The following FRMD5 variants were observed in gnomAD, a reference collection of about 807,000 sequenced individuals.
FRMD5 encodes the protein FERM domain containing 5.
FRMD5 carries 20 observed loss-of-function variants against 69.0 expected under a neutral mutation model. The ratio of observed to expected loss-of-function variants is 0.29; its 90% CI spans 0.20 to 0.42. The LOEUF (loss-of-function observed/expected upper bound fraction) is 0.42, where lower values mean the gene tolerates loss of function less well. Among genes scored for constraint, FRMD5 ranks in the 10% least tolerant of loss-of-function variants. The pLI is 1.00. For synonymous variants in FRMD5, 271 were observed against 260.1 expected (o/e 1.04, Z -0.40); for missense variants, 595 against 708.6 (o/e 0.84, Z 1.82).
chr15:43,994,236 A>G (rs1470620838), intron 1 of FRMD5, among the ~76,000 whole-genome samples: 3 of 151,704 alleles, frequency 2.0e-5, no homozygotes, highest in East Asian at 3.9e-4. Flanking sequence ...TTTTTTGTGA[A>G]TCTACTATAG....
intron 1 of FRMD5, among the ~76,000 whole-genome samples, chr15:44,132,627 C>T (rs1161752988): frequency 1.3e-5 from 2 of 151,970 alleles, no homozygotes; most frequent in Non-Finnish European, 2.9e-5. Flanking sequence ...CAGGGTTTTG[C>T]TACATTTCCC....
intron 1 of FRMD5, among the ~76,000 whole-genome samples, chr15:44,009,247 C>CAT (rs371203884): frequency 6.6e-6 from 1 of 152,328 alleles, no homozygotes; most frequent in Non-Finnish European, 1.5e-5. Context: ...CACAGTAGCT[C>CAT]ATATGACTGA....
intron 1 of FRMD5, among the ~76,000 whole-genome samples, chr15:44,027,229 T>C (rs1284374045): frequency 6.6e-6 from 1 of 152,146 alleles, no homozygotes; most frequent in Non-Finnish European, 1.5e-5. Context: ...CTTTAATTAC[T>C]AATTTTCACC....
At chr15:44,132,329 T>C (rs1224009149) in intron 1 of FRMD5, among the ~76,000 whole-genome samples, 1 of 152,136 alleles carries the variant, frequency 6.6e-6, no homozygotes, top group Non-Finnish European at 1.5e-5. Context: ...GGCCCGTGGG[T>C]TGGGGGACCT....
chr15:43,883,803 C>T lies in FRMD5; in HGVS notation c.1035G>A (p.Gly345=). ...KREPPEIHRA[G]MVPSRSCPSI... ...AGGGACAGCTCCGGCTGGGAACCAT[C>T]CCTGCTCTGAGGTTAAAGAAAAAGA... Residue 345 remains glycine (G), a synonymous_variant, in exon 13 of 14, where the codon GGG becomes GGA. Transcript: ENST00000417257. The T allele has an allele frequency of 6.2e-7, 1 of 1,613,632 alleles. No individual in the cohort carries two copies. Among genetic ancestry groups the T allele is most frequent in the Non-Finnish European group, 8.5e-7 (1 of 1,179,544 alleles).
At chr15:44,153,398 A>T (rs914321443) in intron 1 of FRMD5, among the ~76,000 whole-genome samples, 2 of 152,242 alleles carry the variant, frequency 1.3e-5, no homozygotes, top group African/African-American at 4.8e-5. Flanking sequence ...AAAGGAAGGA[A>T]ACTCTGACAT....
chr15:44,109,977 AAC>A (rs1352564608), intron 1 of FRMD5, among the ~76,000 whole-genome samples: 1 of 152,184 alleles, frequency 6.6e-6, no homozygotes, highest in Non-Finnish European at 1.5e-5. Flanking sequence ...ATGGCTTGAT[AAC>A]ACAGTTCTTT....
At chr15:43,893,803 C>T (rs905725240) in intron 7 of FRMD5, among the ~76,000 whole-genome samples, 1 of 152,152 alleles carries the variant, frequency 6.6e-6, no homozygotes, top group East Asian at 1.9e-4. Flanking sequence ...TGATTGGTCG[C>T]AAGAACAGTG....
rs148304706 is a variant in FRMD5 at position 44,055,359 on chromosome 15, T to C, written c.103-131050A>G. ...ACTCCAGAAAAACACTGGAGTCTTT[T>C]ATAACTTGATTTGAGTTTAGATAGT... On this transcript the variant is annotated intron_variant, in intron 1 of 13. Coordinates refer to ENST00000417257, the MANE Select transcript of FRMD5 (RefSeq NM_032892.5). Among the ~76,000 whole-genome samples the C allele has an allele frequency of 1.7e-3, 255 of 152,326 alleles. 1 individual carries two copies. In the Middle Eastern group the frequency reaches 0.02, roughly 12 times the overall value.
chr15:44,100,781 C>A (rs891362819), intron 1 of FRMD5, among the ~76,000 whole-genome samples: 2 of 152,190 alleles, frequency 1.3e-5, no homozygotes, highest in African/African-American at 4.8e-5. Context: ...GGAAAGAAAC[C>A]CGGTTTTTCT....
intron 1 of FRMD5, among the ~76,000 whole-genome samples, chr15:43,956,926 A>G (rs529928951): frequency 9.8e-5 from 15 of 152,308 alleles, no homozygotes; most frequent in African/African-American, 3.6e-4. Context: ...CAATTCTATC[A>G]TCTATGAAAA....
chr15:44,185,340 C>T (rs775707633), intron 1 of FRMD5, among the ~76,000 whole-genome samples: 15 of 152,140 alleles, frequency 9.9e-5, no homozygotes, highest in South Asian at 4.1e-4. Flanking sequence ...AATGGCCTCC[C>T]GAAGAGCTGA....
chr15:44,080,435 G>A (rs370632949), intron 1 of FRMD5, among the ~76,000 whole-genome samples: 44 of 152,152 alleles, frequency 2.9e-4, no homozygotes, highest in African/African-American at 9.6e-4. Flanking sequence ...TTTTGTATGT[G>A]TATCTACATT....
intron 1 of FRMD5, among the ~76,000 whole-genome samples, chr15:43,994,880 C>T (rs1283472808): frequency 1.3e-5 from 2 of 152,234 alleles, no homozygotes; most frequent in African/African-American, 2.4e-5. Context: ...TTAGCATCCT[C>T]TTCTTTCAGC....
chr15:43,995,038 A>G (rs1889856660), intron 1 of FRMD5, among the ~76,000 whole-genome samples: 1 of 152,112 alleles, frequency 6.6e-6, no homozygotes, highest in African/African-American at 2.4e-5. Flanking sequence ...TAGCACTTTG[A>G]ATATAGTCAT....
At chr15:44,084,067 AAAC>A (rs1482435777) in intron 1 of FRMD5, among the ~76,000 whole-genome samples, 1 of 152,026 alleles carries the variant, frequency 6.6e-6, no homozygotes, top group African/African-American at 2.4e-5. Context: ...ATTTGTCTTA[AAAC>A]AATAGGGAAT....
chr15:44,036,848 C>T (rs1241571693), intron 1 of FRMD5, among the ~76,000 whole-genome samples: 1 of 152,180 alleles, frequency 6.6e-6, no homozygotes, highest in East Asian at 1.9e-4. Context: ...GACTCTGCCA[C>T]TTCTTTTGGA....
chr15:44,157,338 G>C (rs1216355718), intron 1 of FRMD5, among the ~76,000 whole-genome samples: 1 of 152,142 alleles, frequency 6.6e-6, no homozygotes, highest in Admixed American at 6.5e-5. Flanking sequence ...TTCTATATTT[G>C]TAATCTACCT....
chr15:43,876,230 T>A (rs1465211209), intron 13 of FRMD5: 1 of 1,568,762 alleles, frequency 6.4e-7, no homozygotes, highest in Non-Finnish European at 8.7e-7. Context: ...AACCACTTTT[T>A]CCTTTGGGCG....
Sources: allele counts gnomAD v4.1 joint callset (sites outside exome capture counted in the v4.1 genomes callset), GRCh38; gene constraint gnomAD v4.1.1; transcripts MANE v1.5; gene names NCBI Gene and HGNC (gene_info 2026-07-23, HGNC 2026-07-21).